Variants in TRDN observed in about 807,000 individuals in gnomAD.
TRDN encodes the protein triadin, also known as triadin in skeletal muscle.
In TRDN, 161 loss-of-function variants were observed where a neutral mutation model predicts 149.7. The ratio of observed to expected loss-of-function variants is 1.08; its 90% CI spans 0.95 to 1.23. The LOEUF (loss-of-function observed/expected upper bound fraction) is 1.23. Among genes scored for constraint, TRDN ranks in the 50% most tolerant of loss-of-function variants. The probability of loss-of-function intolerance (pLI) is 0.00; values close to 1 mark genes in which losing one functional copy is unlikely to be tolerated. For synonymous variants in TRDN, 294 were observed against 250.5 expected, an observed-to-expected ratio of 1.17 and a Z score of -1.64; for missense variants, 896 against 823.5, an observed-to-expected ratio of 1.09 and a Z score of -1.08.
intron 20 of TRDN, among the ~76,000 whole-genome samples, chr6:123,352,859 T>C (rs1401033233): frequency 1.3e-5 from 2 of 151,920 alleles, no homozygotes; most frequent in East Asian, 1.9e-4. Flanking sequence ...AAGCTCTACA[T>C]AGAATTCCAC....
chr6:123,571,171 T>C (rs912447166), intron 1 of TRDN, 39 bp from the exon 2 acceptor site: 1 of 1,601,216 alleles, frequency 6.2e-7, no homozygotes, highest in Admixed American at 1.7e-5. Flanking sequence ...AATTTAGAGA[T>C]TCATGGTAAA....
intron 1 of TRDN, among the ~76,000 whole-genome samples, chr6:123,585,914 T>G (rs1471151992): frequency 1.3e-5 from 2 of 152,174 alleles, no homozygotes; most frequent in Non-Finnish European, 2.9e-5. Context: ...CGAGGTTGAT[T>G]AAATCCTGTT....
intron 2 of TRDN, among the ~76,000 whole-genome samples, chr6:123,552,394 T>G (rs1781444956): frequency 6.6e-6 from 1 of 152,146 alleles, no homozygotes; most frequent in Admixed American, 6.6e-5. Flanking sequence ...GCTTCCCTTC[T>G]AAAAAATCAA....
Position 123,366,186 on chromosome 6 carries a change from C to T in TRDN, c.1274-4G>A, listed in dbSNP as rs1265576830. 1 of 1,612,642 alleles carries T rather than the reference C, an allele frequency of 6.2e-7. No homozygotes were observed. The highest frequency in any genetic ancestry group is 1.1e-5 in the South Asian group (1 of 90,988). On this transcript the variant is annotated splice_polypyrimidine_tract_variant and splice_region_variant and intron_variant, in intron 19 of 40. Coordinates refer to ENST00000334268, the MANE Select transcript of TRDN (RefSeq NM_006073.4). ...TCCTCTTTGGCTCGTTCAGTTTCTG[C>T]AAGTTCAGATATTAAAGGAATGAGA... is the stretch of plus-strand genomic sequence containing the variant.
At chr6:123,564,538 C>A (rs1349792369) in intron 2 of TRDN, among the ~76,000 whole-genome samples, 1 of 151,914 alleles carries the variant, frequency 6.6e-6, no homozygotes, top group Non-Finnish European at 1.5e-5. Flanking sequence ...GGGCTAAGCG[C>A]CAAGAAAAGA....
At chr6:123,309,557 G>C (rs1371176277) in intron 24 of TRDN, among the ~76,000 whole-genome samples, 1 of 151,966 alleles carries the variant, frequency 6.6e-6, no homozygotes, top group Non-Finnish European at 1.5e-5. Flanking sequence ...TGTATCGCTA[G>C]TATAAAGCCA....
intron 1 of TRDN, among the ~76,000 whole-genome samples, chr6:123,576,102 T>C (rs1056121626): frequency 6.6e-6 from 1 of 152,178 alleles, no homozygotes; most frequent in East Asian, 1.9e-4. Context: ...TGGCATTATA[T>C]GTGTTATTCC....
intron 1 of TRDN, among the ~76,000 whole-genome samples, chr6:123,626,012 T>C (rs1351839590): frequency 1.3e-5 from 2 of 152,180 alleles, no homozygotes; most frequent in Admixed American, 6.5e-5. Context: ...ATTTTACCCA[T>C]AGGAGAATTT....
chr6:123,294,360 G>A (rs1181692740), intron 24 of TRDN, among the ~76,000 whole-genome samples: 1 of 152,046 alleles, frequency 6.6e-6, no homozygotes, highest in Non-Finnish European at 1.5e-5. Flanking sequence ...ACTAATATTG[G>A]CCCTTGCTTA....
chr6:123,613,574 G>T (rs1784916633), intron 1 of TRDN, among the ~76,000 whole-genome samples: 1 of 152,076 alleles, frequency 6.6e-6, no homozygotes, highest in South Asian at 2.1e-4. Flanking sequence ...CTTGTAGAGA[G>T]AAATGTGTTC....
intron 10 of TRDN, among the ~76,000 whole-genome samples, chr6:123,443,229 A>G (rs905257496): frequency 5.4e-5 from 8 of 149,238 alleles, no homozygotes; most frequent in African/African-American, 2.0e-4. Flanking sequence ...ATATATATAC[A>G]TATACATATT....
chr6:123,444,646 T>C (rs1191145559), intron 10 of TRDN, among the ~76,000 whole-genome samples: 1 of 151,506 alleles, frequency 6.6e-6, no homozygotes, highest in Non-Finnish European at 1.5e-5. Flanking sequence ...AGTATGATAT[T>C]GGCTGTGGGT....
chr6:123,570,084 A>G (rs1052472328), intron 2 of TRDN, among the ~76,000 whole-genome samples: 2 of 152,232 alleles, frequency 1.3e-5, no homozygotes, highest in African/African-American at 2.4e-5. Flanking sequence ...CTGAATATGT[A>G]GAATGCAATT....
chr6:123,385,481 G>A (rs1215072277), intron 14 of TRDN, among the ~76,000 whole-genome samples: 6 of 151,718 alleles, frequency 4.0e-5, no homozygotes, highest in Non-Finnish European at 7.4e-5. Context: ...TATATTGAAG[G>A]GAAAAGTTAA....
At chr6:123,407,806 C>A (rs1773259104) in intron 12 of TRDN, among the ~76,000 whole-genome samples, 1 of 152,004 alleles carries the variant, frequency 6.6e-6, no homozygotes, top group Non-Finnish European at 1.5e-5. Flanking sequence ...AGGTCTCTGC[C>A]TTTTATAATT....
At chr6:123,425,496 G>A (rs1391459468) in intron 12 of TRDN, among the ~76,000 whole-genome samples, 3 of 151,986 alleles carry the variant, frequency 2.0e-5, no homozygotes, top group African/African-American at 7.2e-5. Flanking sequence ...AAGGTAGTGA[G>A]GATAGAGAAA....
chr6:123,634,622 A>G (rs1786196283), intron 1 of TRDN, among the ~76,000 whole-genome samples: 1 of 152,000 alleles, frequency 6.6e-6, no homozygotes, highest in Admixed American at 6.6e-5. Flanking sequence ...CAAAGATAAC[A>G]TGAAACTGTG....
Position 123,306,679 on chromosome 6 carries a change from C to T in TRDN, c.1510+9778G>A, listed in dbSNP as rs79031837. Among the ~76,000 whole-genome samples the T allele has an allele frequency of 3.1e-3, 476 of 152,098 alleles. 16 individuals are homozygous for T. In the East Asian group the frequency reaches 0.076, roughly 24 times the overall value. On this transcript the variant is annotated intron_variant, in intron 24 of 40. Coordinates refer to ENST00000334268, the MANE Select transcript of TRDN (RefSeq NM_006073.4). ...CCAATGGGAGCTGGCTAAACTTTCTCGAAAAACAATACATAAAATCTATCC... is the reference window on the plus strand; with the variant it reads ...CCAATGGGAGCTGGCTAAACTTTCTTGAAAAACAATACATAAAATCTATCC...
intron 24 of TRDN, among the ~76,000 whole-genome samples, chr6:123,306,164 G>C (rs547432165): frequency 6.6e-6 from 1 of 152,244 alleles, no homozygotes; most frequent in Non-Finnish European, 1.5e-5. Flanking sequence ...GATGATTGCT[G>C]ATGTCTGCCC....
Sources: allele counts gnomAD v4.1 joint callset (sites outside exome capture counted in the v4.1 genomes callset), GRCh38; gene constraint gnomAD v4.1.1; transcripts MANE v1.5; gene names NCBI Gene and HGNC (gene_info 2026-07-23, HGNC 2026-07-21).